The following FMN1 variants were observed in gnomAD, a reference collection of about 807,000 sequenced individuals.
FMN1 encodes the protein formin 1.
FMN1 carries 110 observed loss-of-function variants against 132.4 expected under a neutral mutation model. That is an observed-to-expected ratio of 0.83 (90% CI 0.71 to 0.97). The LOEUF (loss-of-function observed/expected upper bound fraction) is 0.97, where lower values mean the gene tolerates loss of function less well. FMN1 is among the 50% of genes least tolerant of loss of function. FMN1 has a pLI of 0.00. For missense variants in FMN1, 1,792 were observed against 1,705.3 expected, an observed-to-expected ratio of 1.05 and a Z score of -0.90; for synonymous variants, 722 against 651.7, an observed-to-expected ratio of 1.11 and a Z score of -1.64.
intron 19 of FMN1, among the ~76,000 whole-genome samples, chr15:32,792,206 G>A (rs1382467697): frequency 4.0e-5 from 6 of 150,156 alleles, no homozygotes; most frequent in Admixed American, 2.0e-4. Flanking sequence ...TTGGGAGGCC[G>A]AGGCGGGCAG....
chr15:32,769,486 G>A lies in FMN1; in HGVS notation c.*4824C>T, dbSNP rs1249272596. ...ACAGACAAGCTGTGTAACTGAGCCCGGTTATGCCTGGATTCAATTGCTAAT... is the reference window on the plus strand; with the variant it reads ...ACAGACAAGCTGTGTAACTGAGCCCAGTTATGCCTGGATTCAATTGCTAAT... On this transcript the variant is annotated 3_prime_UTR_variant, in exon 21 of 21. Transcript: ENST00000616417. The A allele has an allele frequency of 6.6e-6, 1 of 152,142 alleles. No individual in the cohort carries two copies. Among genetic ancestry groups the A allele is most frequent in the African/African-American group, 2.4e-5 (1 of 41,424 alleles). The allele number at this position is 152,142 out of a possible 1,614,324, so 9.4% of individuals were successfully genotyped here.
At chr15:32,798,180 ACACACACACACACACAC>A (rs779559892) in intron 19 of FMN1, among the ~76,000 whole-genome samples, 23,187 of 149,008 alleles carry the variant, frequency 0.16, 1,859 homozygotes, top group African/African-American at 0.2. Flanking sequence ...AGGAAAACGC[ACACACACACACACACAC>A]ACACACACAC....
Position 33,067,171 on chromosome 15 carries a change from T to C in FMN1, c.2044-2097A>G, listed in dbSNP as rs753823268. 694 of 1,613,768 alleles carry C rather than the reference T, an allele frequency of 4.3e-4. No homozygotes were observed. Among genetic ancestry groups the C allele is most frequent in the Non-Finnish European group, 5.7e-4 (668 of 1,179,902 alleles). Reference sequence around the variant, plus strand: ...TTACTGCAGGTAGGTCTTGGGACCCTTCTTCTCCCACCTGGTCCTGGCTGG... The same window carrying C: ...TTACTGCAGGTAGGTCTTGGGACCCCTCTTCTCCCACCTGGTCCTGGCTGG... On this transcript the variant is annotated intron_variant, in intron 5 of 20. Transcript: ENST00000616417.
intron 9 of FMN1, among the ~76,000 whole-genome samples, chr15:32,962,967 A>G (rs1247963246): frequency 7.2e-6 from 1 of 139,016 alleles, no homozygotes; most frequent in African/African-American, 2.9e-5. Context: ...TAGAAATACC[A>G]TTTGACCCAG....
At chr15:33,088,667 C>T in intron 5 of FMN1, 132 bp downstream of exon 5, 1 of 786,518 alleles carries the variant, frequency 1.3e-6, no homozygotes, top group Non-Finnish European at 1.9e-6. Flanking sequence ...TTCTGCAGCC[C>T]ACTGATTTTT....
intron 7 of FMN1, among the ~76,000 whole-genome samples, chr15:33,000,565 GT>G (rs897470940): frequency 1.3e-5 from 2 of 151,882 alleles, no homozygotes; most frequent in African/African-American, 4.8e-5. Context: ...CAGATGGCTC[GT>G]GCCCAAGAGT....
intron 17 of FMN1, among the ~76,000 whole-genome samples, chr15:32,828,187 T>C (rs1162918402): frequency 1.3e-5 from 2 of 151,920 alleles, no homozygotes; most frequent in African/African-American, 2.4e-5. Flanking sequence ...AGCAGGAGAA[T>C]CGTTTGAACT....
intron 16 of FMN1, among the ~76,000 whole-genome samples, chr15:32,885,121 T>C (rs1159466837): frequency 6.6e-6 from 1 of 152,248 alleles, no homozygotes; most frequent in Admixed American, 6.5e-5. Context: ...CATACACATC[T>C]GAACTCAAAG....
intron 9 of FMN1, among the ~76,000 whole-genome samples, chr15:32,936,732 G>C (rs139277200): frequency 5.1e-4 from 77 of 152,114 alleles, no homozygotes; most frequent in African/African-American, 1.8e-3. Flanking sequence ...AGAAGAAGAA[G>C]AAAAGAAGAT....
chr15:33,120,006 GGATT>G (rs1962403991), intron 4 of FMN1, among the ~76,000 whole-genome samples: 1 of 152,084 alleles, frequency 6.6e-6, no homozygotes, highest in Admixed American at 6.5e-5. Flanking sequence ...GCGATGGTAA[GGATT>G]ATTATTATCA....
At chr15:33,019,373 A>G (rs2035283771) in intron 6 of FMN1, among the ~76,000 whole-genome samples, 1 of 152,206 alleles carries the variant, frequency 6.6e-6, no homozygotes, top group African/African-American at 2.4e-5. Context: ...CCTTAGCCAG[A>G]CATAAAGATT....
At chr15:33,095,400 G>C (rs908241833) in intron 4 of FMN1, among the ~76,000 whole-genome samples, 1 of 152,036 alleles carries the variant, frequency 6.6e-6, no homozygotes, top group Non-Finnish European at 1.5e-5. Context: ...CAAAAAACAT[G>C]TATATATATT....
chr15:32,841,766 T>C (rs1303136384), intron 17 of FMN1, among the ~76,000 whole-genome samples: 1 of 152,186 alleles, frequency 6.6e-6, no homozygotes, highest in Non-Finnish European at 1.5e-5. Context: ...TTCCTGGAAA[T>C]ACCATCCATC....
intron 6 of FMN1, 83 bp downstream of exon 6, chr15:33,064,874 A>G (rs2037646971): frequency 8.5e-6 from 8 of 944,606 alleles, no homozygotes; most frequent in Non-Finnish European, 1.3e-5. Context: ...AAAACCCCAA[A>G]TTCTGAGAGT....
intron 7 of FMN1, among the ~76,000 whole-genome samples, chr15:32,994,232 T>TCTCTCTCTCA (rs904998781): frequency 0.022 from 823 of 37,228 alleles, 13 homozygotes; most frequent in African/African-American, 0.044. Context: ...TCTCTCTCTC[T>TCTCTCTCTCA]CACACACACA....
chr15:32,918,610 T>C (rs1338147808), intron 10 of FMN1, among the ~76,000 whole-genome samples: 3 of 152,132 alleles, frequency 2.0e-5, no homozygotes, highest in African/African-American at 4.8e-5. Context: ...GCAATTAAGA[T>C]TGTCCATGGT....
intron 19 of FMN1, among the ~76,000 whole-genome samples, chr15:32,785,218 A>ATATATTTTTTTTT (rs1444523400): frequency 3.6e-4 from 14 of 39,202 alleles, no homozygotes; most frequent in Non-Finnish European, 5.0e-4. Context: ...ATATATATAT[A>ATATATTTTTTTTT]TTTTTTTTTT....
intron 9 of FMN1, among the ~76,000 whole-genome samples, chr15:32,950,414 T>C (rs1416857391): frequency 6.6e-6 from 1 of 152,026 alleles, no homozygotes; most frequent in Non-Finnish European, 1.5e-5. Flanking sequence ...CCATTCACAA[T>C]AGCAAAGACA....
intron 19 of FMN1, among the ~76,000 whole-genome samples, chr15:32,787,414 T>C (rs1481093790): frequency 6.6e-6 from 1 of 152,254 alleles, no homozygotes; most frequent in Admixed American, 6.5e-5. Flanking sequence ...CCTTCGGCCC[T>C]GACCGCTCTG....
Sources: allele counts gnomAD v4.1 joint callset (sites outside exome capture counted in the v4.1 genomes callset), GRCh38; gene constraint gnomAD v4.1.1; transcripts MANE v1.5; gene names NCBI Gene and HGNC (gene_info 2026-07-23, HGNC 2026-07-21).